Variants in ACTL6A observed in about 807,000 individuals in gnomAD.
ACTL6A encodes actin-like protein 6A.
A neutral mutation model predicts 59.2 loss-of-function variants in ACTL6A; 5 were observed. The ratio of observed to expected loss-of-function variants is 0.08; its 90% CI spans 0.04 to 0.18. ACTL6A has a LOEUF of 0.18. ACTL6A is among the 10% of genes least tolerant of loss of function. The pLI, the probability that ACTL6A is intolerant of heterozygous loss-of-function variation, is 1.00. For missense variants in ACTL6A, 285 were observed against 526.9 expected, an observed-to-expected ratio of 0.54 and a Z score of 4.49; for synonymous variants, 154 against 171.8, an observed-to-expected ratio of 0.90 and a Z score of 0.81.
chr3:179,579,199 A>G (rs935941957), intron 8 of ACTL6A, among the ~76,000 whole-genome samples: 3 of 151,858 alleles, frequency 2.0e-5, no homozygotes, highest in Non-Finnish European at 2.9e-5. Context: ...TGAAGTGTCT[A>G]TTAGTGTCCT....
At chr3:179,575,337 T>A in intron 5 of ACTL6A, 1 of 455,584 alleles carries the variant, frequency 2.2e-6, no homozygotes, top group South Asian at 1.6e-5. Context: ...ATTGAATATC[T>A]CAGGAATAGG....
intron 3 of ACTL6A, among the ~76,000 whole-genome samples, chr3:179,572,163 CTTG>C (rs1718026851): frequency 1.3e-5 from 2 of 152,152 alleles, no homozygotes; most frequent in Non-Finnish European, 2.9e-5. Context: ...CTAGCAAAAA[CTTG>C]TTGTATATTT....
chr3:179,567,901 C>T lies in ACTL6A; in HGVS notation c.26-1923C>T, dbSNP rs549839947. Among the ~76,000 whole-genome samples, 18 of 152,176 alleles carry T rather than the reference C, an allele frequency of 1.2e-4. No homozygotes were observed. In the East Asian group the frequency reaches 1.7e-3, roughly 15 times the overall value. On this transcript the variant is annotated intron_variant, in intron 1 of 13. Coordinates refer to ENST00000429709, the MANE Select transcript of ACTL6A (RefSeq NM_004301.5). ...TTGAATAAAAATGAGAGGCTGGGCG[C>T]GGTGGCTAACACCTATAATCCCAGC...
chr3:179,577,096 C>G (rs1216720002), intron 8 of ACTL6A, among the ~76,000 whole-genome samples, 183 bp downstream of exon 8: 1 of 151,962 alleles, frequency 6.6e-6, no homozygotes, highest in Non-Finnish European at 1.5e-5. Context: ...CAGGGTCACA[C>G]TCTATATTTT....
chr3:179,584,031 A>C (rs1718410270), intron 12 of ACTL6A, among the ~76,000 whole-genome samples: 1 of 152,236 alleles, frequency 6.6e-6, no homozygotes, highest in African/African-American at 2.4e-5. Context: ...AAGATGGATT[A>C]GTTTCCTAGA....
At position 179,578,371 on chromosome 3, in the gene ACTL6A, T is replaced by C. The variant is rs143432468; in HGVS notation, c.768+1458T>C. On this transcript the variant is annotated intron_variant, in intron 8 of 13. Coordinates refer to ENST00000429709, the MANE Select transcript of ACTL6A (RefSeq NM_004301.5). Reference sequence around the variant, plus strand: ...TGGGAGGCTGAGGCAGGAGAATTGCTTGAACCCAGGAGATGGATGTTGCAG... The same window carrying C: ...TGGGAGGCTGAGGCAGGAGAATTGCCTGAACCCAGGAGATGGATGTTGCAG... Among the ~76,000 whole-genome samples the C allele has an allele frequency of 5.8e-3, 879 of 152,260 alleles. 10 individuals carry two copies. The highest frequency in any genetic ancestry group is 0.02 in the African/African-American group (848 of 41,556).
intron 1 of ACTL6A, among the ~76,000 whole-genome samples, chr3:179,566,658 C>G (rs1717843876): frequency 6.6e-6 from 1 of 152,086 alleles, no homozygotes; most frequent in African/African-American, 2.4e-5. Context: ...CTGTACAAGT[C>G]CAAGTCTGAA....
intron 9 of ACTL6A, 22 bp from the exon 10 acceptor site, chr3:179,580,872 A>AGGG (rs2108367398): frequency 1.3e-6 from 2 of 1,565,592 alleles, no homozygotes; most frequent in East Asian, 4.5e-5. Flanking sequence ...CTTTTGTGTA[A>AGGG]TACGGTTTAA....
Position 179,563,023 on chromosome 3 carries a change from C to G in ACTL6A, c.-70C>G, listed in dbSNP as rs149877567. On this transcript the variant is annotated 5_prime_UTR_variant, in exon 1 of 14. Coordinates refer to ENST00000429709, the MANE Select transcript of ACTL6A (RefSeq NM_004301.5). The stretch of plus-strand genomic sequence containing the variant: ...AGTCAGGGGCTATCGCTCCTCGAGA[C>G]TCGCAGTCGCGGCCACTGCAGTCAC... 5.0e-6 allele frequency: 8 copies of G among 1,585,132 alleles called. No individual in the cohort carries two copies. In the African/African-American group the frequency reaches 8.0e-5, roughly 16 times the overall value.
In ACTL6A at chr3:179,570,139, G is replaced by C; in HGVS notation, c.175G>C (p.Asp59His). Residue 59 changes from aspartate (D) to histidine (H), a missense_variant, in exon 3 of 14, where the codon GAT (aspartate) becomes CAT (histidine). By Grantham distance (81) the Asp-to-His change is moderately conservative. Transcript: ENST00000429709. The surrounding 1 kb of genome is among the most constrained non-coding windows in gnomAD (Gnocchi z 4.3). ...AAGCACATTAATGGAAATAGATGGC[G>C]ATAAAGGCAAACAAGGCGGTCCCAC... ...DGSTLMEIDG[D>H]KGKQGGPTYY... 1 of 1,614,104 alleles carries C rather than the reference G, an allele frequency of 6.2e-7. No homozygotes were observed. The highest frequency in any genetic ancestry group is 8.5e-7 in the Non-Finnish European group (1 of 1,180,004).
chr3:179,578,209 C>T (rs1185922170), intron 8 of ACTL6A, among the ~76,000 whole-genome samples: 1 of 152,080 alleles, frequency 6.6e-6, no homozygotes, highest in Non-Finnish European at 1.5e-5. Context: ...AATCCCAGCA[C>T]TTGGGGAGGC....
intron 1 of ACTL6A, among the ~76,000 whole-genome samples, chr3:179,563,933 C>T (rs1029711072): frequency 6.6e-6 from 1 of 152,110 alleles, no homozygotes; most frequent in Admixed American, 6.6e-5. Context: ...GCGCTTTGGT[C>T]TTGGGCAGTT....
In ACTL6A at chr3:179,563,278, G is replaced by C. The variant is rs563789757; in HGVS notation, c.25+161G>C. 2.1e-4 allele frequency: 256 copies of C among 1,233,816 alleles called. 5 individuals carry two copies. The South Asian group carries it at 3.6e-3, about 18-fold the overall frequency. The allele number at this position is 1,233,816 out of a possible 1,614,324, so 76.4% of individuals were successfully genotyped here. A position where few individuals can be genotyped will look rare whatever the true frequency, so the allele number is the denominator to read the frequency against. On this transcript the variant is annotated intron_variant, in intron 1 of 13. Transcript: ENST00000429709. The stretch of plus-strand genomic sequence containing the variant: ...CCGCCCCACGCTCTGCCCGCCCCCG[G>C]AGCCCACCCGGCTCGCCGTGCTCCT...
At position 179,581,127 on chromosome 3, in the gene ACTL6A, T is replaced by C. The variant is rs751967711; in HGVS notation, c.946-13T>C. 1.2e-6 allele frequency: 2 copies of C among 1,613,368 alleles called. No individual in the cohort carries two copies. The highest frequency in any genetic ancestry group is 8.5e-7 in the Non-Finnish European group (1 of 1,179,276). Reference sequence around the variant, plus strand: ...AGAGCTTCCATGTGACTACTTGTTTTCTTTTGTTGTAGGGGTTATCAGGAA... The same window carrying C: ...AGAGCTTCCATGTGACTACTTGTTTCCTTTTGTTGTAGGGGTTATCAGGAA... On this transcript the variant is annotated splice_polypyrimidine_tract_variant and intron_variant, in intron 10 of 13. Transcript: ENST00000429709.
rs1491409372 is a variant in ACTL6A at position 179,580,634 on chromosome 3, TCA to T, written c.769-3_769-2del. On this transcript the variant is annotated splice_region_variant and splice_polypyrimidine_tract_variant and intron_variant, in intron 8 of 13. Coordinates refer to ENST00000429709, the MANE Select transcript of ACTL6A (RefSeq NM_004301.5). ...CTTGTTTGTTACTTTTTTCTTTTAC[TCA>T]CAGTGTGTTATCCAGGATTTTCAAG... is the stretch of plus-strand genomic sequence containing the variant. 8 of 1,592,908 alleles carry T rather than the reference TCA, an allele frequency of 5.0e-6. No homozygotes were observed. The highest frequency in any genetic ancestry group is 2.3e-5 in the South Asian group (2 of 87,542).
rs757166399 is a variant in ACTL6A at position 179,580,963 on chromosome 3, G to A, written c.900G>A (p.Glu300=). The change falls in exon 10 of 14, where the codon GAG becomes GAA. Residue 300 remains glutamate (E), a synonymous_variant. Transcript: ENST00000429709. ...PNGYNCDFGA[E]RLKIPEGLFD... ...GCTACAATTGTGATTTTGGTGCAGA[G>A]CGGCTAAAGATTCCAGAAGGATTAT... is the stretch of plus-strand genomic sequence containing the variant. 1 of 1,585,322 alleles carries A rather than the reference G, an allele frequency of 6.3e-7. No homozygotes were observed. Among genetic ancestry groups the A allele is most frequent in the East Asian group, 2.2e-5 (1 of 44,796 alleles).
At chr3:179,586,670 G>A in intron 13 of ACTL6A, 38 bp downstream of exon 13, 1 of 1,449,494 alleles carries the variant, frequency 6.9e-7, no homozygotes, top group Non-Finnish European at 9.5e-7. Context: ...TATTCTTACT[G>A]AATTATACTA....
At chr3:179,569,235 A>G (rs1717929015) in intron 1 of ACTL6A, among the ~76,000 whole-genome samples, 2 of 152,114 alleles carry the variant, frequency 1.3e-5, no homozygotes, top group Admixed American at 1.3e-4. Context: ...AGCCCTCCCC[A>G]TACAACTTTC....
chr3:179,563,289 G>C (rs1051762770), intron 1 of ACTL6A, 172 bp downstream of exon 1: 19 of 1,106,472 alleles, frequency 1.7e-5, no homozygotes, highest in South Asian at 6.4e-5. Flanking sequence ...AGCCCACCCG[G>C]CTCGCCGTGC....
Sources: gnomAD v4.1 joint callset for allele counts (sites outside exome capture counted in the v4.1 genomes callset) on GRCh38, gnomAD v4.1.1 for gene constraint, Gnocchi (gnomAD v3.1) non-coding constraint, MANE v1.5 for transcripts, NCBI Gene and HGNC (gene_info 2026-07-23, HGNC 2026-07-21) for gene names.